ROBO2: variants seen among roughly 807,000 people sequenced by gnomAD.
ROBO2 encodes the protein roundabout guidance receptor 2.
Under a neutral mutation model 160.8 loss-of-function variants are expected in ROBO2, and 53 were observed. The observed-to-expected ratio is 0.33, with a 90% confidence interval of 0.26 to 0.41. The LOEUF (loss-of-function observed/expected upper bound fraction) is 0.41. Ranked by LOEUF, ROBO2 falls within the 10% of genes least tolerant of loss-of-function variation. ROBO2 has a pLI of 1.00. For missense variants in ROBO2, 1,577 were observed against 1,722.4 expected (o/e 0.92, Z 1.49); for synonymous variants, 664 against 611.7 (o/e 1.09, Z -1.26).
At chr3:76,024,936 C>T (rs1037310871) in intron 2 of ROBO2, among the ~76,000 whole-genome samples, 1 of 146,222 alleles carries the variant, frequency 6.8e-6, no homozygotes, top group Non-Finnish European at 1.5e-5. Context: ...TGTGTGTGTG[C>T]GTATATATAT....
intron 2 of ROBO2, among the ~76,000 whole-genome samples, chr3:76,172,453 A>G (rs1225847303): frequency 6.7e-6 from 1 of 149,630 alleles, no homozygotes; most frequent in East Asian, 2.1e-4. Context: ...AAAAAAAAAA[A>G]AGAAAACTAC....
At chr3:76,066,861 T>A (rs1031940429) in intron 2 of ROBO2, among the ~76,000 whole-genome samples, 5 of 152,124 alleles carry the variant, frequency 3.3e-5, no homozygotes, top group Non-Finnish European at 7.4e-5. Context: ...ATAGATATAA[T>A]CAATCAAGTT....
chr3:76,027,739 C>G (rs770136146), intron 2 of ROBO2, among the ~76,000 whole-genome samples: 1 of 151,914 alleles, frequency 6.6e-6, no homozygotes, highest in East Asian at 1.9e-4. Context: ...TGGTAACTTA[C>G]AGGACACCCA....
Position 76,781,814 on chromosome 3 carries a change from A to G in ROBO2, c.110-316200A>G, listed in dbSNP as rs181031910. ...CTAAGATTTGGTTAAGGATTTTTGC[A>G]TCTATGTACTTTTCTTGTAATGTTC... On this transcript the variant is annotated intron_variant, in intron 2 of 26. Transcript: ENST00000487694. Among the ~76,000 whole-genome samples, 678 of 150,834 alleles carry G rather than the reference A, an allele frequency of 4.5e-3. 9 individuals carry two copies. Among genetic ancestry groups the G allele is most frequent in the African/African-American group, 0.015 (639 of 41,384 alleles).
At chr3:76,470,624 G>A (rs988311867) in intron 2 of ROBO2, among the ~76,000 whole-genome samples, 8 of 152,112 alleles carry the variant, frequency 5.3e-5, no homozygotes, top group Non-Finnish European at 1.2e-4. Flanking sequence ...GCCACAAAAT[G>A]TATTGACAAT....
At chr3:77,380,286 C>A (rs1266000193) in intron 2 of ROBO2, among the ~76,000 whole-genome samples, 3 of 152,200 alleles carry the variant, frequency 2.0e-5, no homozygotes, top group Non-Finnish European at 4.4e-5. Context: ...CATGTCTCAT[C>A]TGTTCCTTCT....
chr3:77,257,723 A>G (rs896490117), intron 2 of ROBO2, among the ~76,000 whole-genome samples: 9 of 152,200 alleles, frequency 5.9e-5, no homozygotes, highest in Non-Finnish European at 8.8e-5. Flanking sequence ...ATTTGTTCAG[A>G]ATTCAGGGCA....
intron 2 of ROBO2, among the ~76,000 whole-genome samples, chr3:76,704,859 A>C (rs1259216558): frequency 6.6e-6 from 1 of 152,020 alleles, no homozygotes; most frequent in Non-Finnish European, 1.5e-5. Flanking sequence ...CTTGGCATAA[A>C]GCCTTATAAT....
intron 2 of ROBO2, among the ~76,000 whole-genome samples, chr3:76,840,132 C>G (rs977034605): frequency 2.6e-5 from 4 of 151,548 alleles, no homozygotes; most frequent in African/African-American, 9.7e-5. Context: ...TTTTCAAAAC[C>G]CAACTTTTTG....
At chr3:76,787,028 T>G (rs28373311) in intron 2 of ROBO2, among the ~76,000 whole-genome samples, 1,542 of 151,166 alleles carry the variant, frequency 0.01, 20 homozygotes, top group African/African-American at 0.034. Flanking sequence ...GAGAGAAAGA[T>G]AGCTAAGAGG....
chr3:77,111,902 A>C (rs2073630886), intron 2 of ROBO2, among the ~76,000 whole-genome samples: 1 of 152,108 alleles, frequency 6.6e-6, no homozygotes, highest in African/African-American at 2.4e-5. Context: ...CACCATTACA[A>C]CTGAAATGTC....
intron 2 of ROBO2, among the ~76,000 whole-genome samples, chr3:75,984,624 G>C (rs1488352625): frequency 6.6e-6 from 1 of 151,284 alleles, no homozygotes; most frequent in East Asian, 1.9e-4. Context: ...ATTAAAAATA[G>C]CCAGTATTTT....
At chr3:76,736,095 A>G (rs1262983629) in intron 2 of ROBO2, among the ~76,000 whole-genome samples, 1 of 151,464 alleles carries the variant, frequency 6.6e-6, no homozygotes, top group Non-Finnish European at 1.5e-5. Context: ...CATCCTGGCT[A>G]ACACGGTGAA....
intron 2 of ROBO2, among the ~76,000 whole-genome samples, chr3:76,160,911 T>C (rs2072605856): frequency 6.6e-6 from 1 of 152,176 alleles, no homozygotes; most frequent in African/African-American, 2.4e-5. Context: ...ATATTTCTAT[T>C]TCATTTTGAA....
intron 2 of ROBO2, among the ~76,000 whole-genome samples, chr3:76,871,460 A>G (rs1329715157): frequency 6.7e-6 from 1 of 149,484 alleles, no homozygotes; most frequent in Admixed American, 6.7e-5. Context: ...AGGCTGAGGC[A>G]GGAGAATGGC....
chr3:77,240,301 C>A (rs956975688), intron 2 of ROBO2, among the ~76,000 whole-genome samples: 1 of 152,160 alleles, frequency 6.6e-6, no homozygotes, highest in Non-Finnish European at 1.5e-5. Context: ...CTGGGGGACC[C>A]GGCGCTCCCT....
chr3:76,357,573 T>G (rs75705905), intron 2 of ROBO2, among the ~76,000 whole-genome samples: 2,853 of 152,062 alleles, frequency 0.019, 77 homozygotes, highest in African/African-American at 0.065. Flanking sequence ...TAAAACCCAC[T>G]ATGGTGATGA....
intron 2 of ROBO2, among the ~76,000 whole-genome samples, chr3:76,857,146 C>T (rs1022228860): frequency 1.3e-5 from 2 of 152,098 alleles, no homozygotes; most frequent in African/African-American, 4.8e-5. Flanking sequence ...CCACCACGCC[C>T]GGATAATTTT....
intron 2 of ROBO2, among the ~76,000 whole-genome samples, chr3:76,318,717 G>A (rs933105328): frequency 1.6e-4 from 25 of 151,994 alleles, no homozygotes; most frequent in African/African-American, 5.8e-4. Context: ...CTAATATTAG[G>A]TCTTAGTCCC....
Sources: gnomAD v4.1 joint callset for allele counts (sites outside exome capture counted in the v4.1 genomes callset) on GRCh38, gnomAD v4.1.1 for gene constraint, MANE v1.5 for transcripts, NCBI Gene and HGNC (gene_info 2026-07-23, HGNC 2026-07-21) for gene names.